The following SMG1 variants were observed in gnomAD, a reference collection of about 807,000 sequenced individuals.
SMG1 encodes the protein serine/threonine-protein kinase SMG1.
Under a neutral mutation model 419.9 loss-of-function variants are expected in SMG1, and 22 were observed. The ratio of observed to expected loss-of-function variants is 0.05; its 90% CI spans 0.04 to 0.07. SMG1 has a LOEUF of 0.07. Among genes scored for constraint, SMG1 ranks in the 10% least tolerant of loss-of-function variants. The probability of loss-of-function intolerance (pLI) is 1.00; values close to 1 mark genes in which losing one functional copy is unlikely to be tolerated. For synonymous variants in SMG1, 1,538 were observed against 1,553.5 expected, an observed-to-expected ratio of 0.99 and a Z score of 0.23; for missense variants, 3,185 against 4,342.0, an observed-to-expected ratio of 0.73 and a Z score of 7.49.
chr16:18,922,133 G>A (rs2038222013), intron 1 of SMG1, among the ~76,000 whole-genome samples: 1 of 152,144 alleles, frequency 6.6e-6, no homozygotes, highest in African/African-American at 2.4e-5. Flanking sequence ...AGTCACTTTA[G>A]AATATTAAAA....
intron 60 of SMG1, 41 bp from the exon 61 acceptor site, chr16:18,812,168 G>A (rs1247651866): frequency 6.3e-7 from 1 of 1,582,856 alleles, no homozygotes; most frequent in South Asian, 1.2e-5. Context: ...CATGTAAACA[G>A]AACATGGAGG....
At chr16:18,860,467 TTTTA>T (rs1180790092) in intron 26 of SMG1, among the ~76,000 whole-genome samples, 196 bp downstream of exon 26, 1 of 151,978 alleles carries the variant, frequency 6.6e-6, no homozygotes, top group African/African-American at 2.4e-5. Flanking sequence ...TGGTCATTTT[TTTTA>T]TTTGACTTAA....
At position 18,827,636 on chromosome 16, in the gene SMG1, A is replaced by C. The variant is rs572127816; in HGVS notation, c.9741+395T>G. Among the ~76,000 whole-genome samples, 63 of 143,534 alleles carry C rather than the reference A, an allele frequency of 4.4e-4. 5 individuals are homozygous for C. In the South Asian group the frequency reaches 9.9e-3, roughly 23 times the overall value. The allele number at this position is 143,534 out of a possible 152,430, so 94.2% of individuals were successfully genotyped here. The stretch of plus-strand genomic sequence containing the variant: ...TACCAAAATATATATTTTTATATAT[A>C]TTTGGTATAAATATACCAAAATATA... On this transcript the variant is annotated intron_variant, in intron 55 of 62. Coordinates refer to ENST00000446231, the MANE Select transcript of SMG1 (RefSeq NM_015092.5).
chr16:18,856,113 C>T lies in SMG1; in HGVS notation c.4235-1209G>A, dbSNP rs991876107. Among the ~76,000 whole-genome samples, 2 of 152,136 alleles carry T rather than the reference C, an allele frequency of 1.3e-5. 1 individual carries two copies. Among genetic ancestry groups the T allele is most frequent in the African/African-American group, 4.8e-5 (2 of 41,426 alleles). ...TCTCAGCTTAAATGTTACTTCCCCA[C>T]AAGTCTTTTTCTGATTCCTAGGATT... On this transcript the variant is annotated intron_variant, in intron 29 of 62. Coordinates refer to ENST00000446231, the MANE Select transcript of SMG1 (RefSeq NM_015092.5).
rs148161499 is a variant in SMG1, at chr16:18,891,842, G to A, written c.549+376C>T. Among the ~76,000 whole-genome samples, 536 of 152,240 alleles carry A rather than the reference G, an allele frequency of 3.5e-3. 21 individuals are homozygous for A. In the East Asian group the frequency reaches 0.081, roughly 23 times the overall value. ...TTAAGAGACAAGGACTCCCTCTGTC[G>A]CCCAGGTTGACATGCAGAGGTGTGA... On this transcript the variant is annotated intron_variant, in intron 4 of 62. Coordinates refer to ENST00000446231, the MANE Select transcript of SMG1 (RefSeq NM_015092.5).
At position 18,834,373 on chromosome 16, in the gene SMG1, C is replaced by T. The variant is rs759512603; in HGVS notation, c.8396G>A (p.Arg2799Gln). Residue 2799 changes from arginine (R) to glutamine (Q), a missense_variant, in exon 50 of 63, where the codon CGG (arginine) becomes CAG (glutamine). Physicochemically the swap from Arg to Gln is conservative, Grantham distance 43. Around this residue, in one of 27 missense-constraint regions of SMG1, gnomAD observed 412 missense variants for 546.6 expected, o/e 0.75. Transcript: ENST00000446231. The stretch of plus-strand genomic sequence containing the variant: ...TTCCTCCAAGAACCAGGCTCCATCC[C>T]GAGAAGTCAGATCAACCAGCTGTTC... ...AGEQLVDLTSRDGAWFLEELC... is the reference protein window; with the variant it reads ...AGEQLVDLTSQDGAWFLEELC... 6.8e-6 allele frequency: 11 copies of T among 1,613,720 alleles called. No homozygotes were observed. The highest frequency in any genetic ancestry group is 1.3e-5 in the African/African-American group (1 of 74,902).
chr16:18,905,336 G>A lies in SMG1; in HGVS notation c.93-8380C>T, dbSNP rs974410674. ...ATCAATCTAATAGCCTGGACTCTTC[G>A]CAGACAAACCTGTTGAAAAATTTAT... On this transcript the variant is annotated intron_variant, in intron 1 of 62. Transcript: ENST00000446231. Among the ~76,000 whole-genome samples, 14 of 152,118 alleles carry A rather than the reference G, an allele frequency of 9.2e-5. No individual in the cohort carries two copies. In the East Asian group the frequency reaches 1.9e-3, roughly 21 times the overall value.
At chr16:18,907,839 G>A (rs555494701) in intron 1 of SMG1, among the ~76,000 whole-genome samples, 260 of 82,436 alleles carry the variant, frequency 3.2e-3, no homozygotes, top group Non-Finnish European at 4.6e-3. Flanking sequence ...GCGACAGAAC[G>A]AGACTCAAAA....
chr16:18,852,575 AAAGTTCC>A, intron 31 of SMG1, 113 bp from the exon 32 acceptor site: 2 of 885,386 alleles, frequency 2.3e-6, no homozygotes, highest in Non-Finnish European at 3.2e-6. Context: ...CAAGCAATCA[AAAGTTCC>A]AAAATATTAC....
intron 8 of SMG1, 147 bp from the exon 9 acceptor site, chr16:18,884,314 G>C (rs564426377): frequency 1.3e-5 from 6 of 471,910 alleles, no homozygotes. Context: ...ATAAAATTAA[G>C]ACTGTTAAAC....
Position 18,815,607 on chromosome 16 carries a change from C to G in SMG1, c.10347G>C (p.Glu3449Asp), listed in dbSNP as rs755062074. The G allele has an allele frequency of 6.8e-6, 11 of 1,613,848 alleles. No individual in the cohort carries two copies. Among genetic ancestry groups the G allele is most frequent in the Admixed American group, 1.7e-5 (1 of 60,002 alleles). The part of the protein sequence containing the change: ...ALADGEDVPY[E>D]NSVRQFLGEY... ...CACCCAAAAACTGCCTAACACTGTT[C>G]TCATAGGGAACATCTTCACCATCTG... Residue 3449 changes from glutamate to aspartate, a missense_variant, in exon 59 of 63, where the codon GAG becomes GAC. By Grantham distance (45) the Glu-to-Asp change is conservative. Coordinates refer to ENST00000446231, the MANE Select transcript of SMG1 (RefSeq NM_015092.5).
chr16:18,916,075 AAAAAAAAAAAAAAACCAG>A (rs1356683161), intron 1 of SMG1, among the ~76,000 whole-genome samples: 3 of 122,130 alleles, frequency 2.5e-5, no homozygotes, highest in Non-Finnish European at 5.0e-5. Flanking sequence ...GTCTCAAAAA[AAAAAAAAAAAAAAACCAG>A]AAAAAAAAAA....
chr16:18,872,606 T>C lies in SMG1; in HGVS notation c.1909A>G (p.Thr637Ala), dbSNP rs1242288470. 30 of 1,466,282 alleles carry C rather than the reference T, an allele frequency of 2.0e-5. No individual in the cohort carries two copies. In the Admixed American group the frequency reaches 5.7e-4, roughly 28 times the overall value. The allele number at this position is 1,466,282 out of a possible 1,614,324, so 90.8% of individuals were successfully genotyped here. Residue 637 changes from threonine to alanine, a missense_variant, in exon 14 of 63, where the codon ACT becomes GCT. Around this residue, in one of 27 missense-constraint regions of SMG1, gnomAD observed 297 missense variants for 491.0 expected, o/e 0.60. Coordinates refer to ENST00000446231, the MANE Select transcript of SMG1 (RefSeq NM_015092.5). ...TTCTTACTCAGAAGTGCAAAGACAG[T>C]TGGAGATAGCGCCCACATCTGATCA... is the stretch of plus-strand genomic sequence containing the variant. ...SLIGMWALSP[T>A]VFALLSKNLM... is the part of the protein sequence containing the mutation.
At position 18,915,772 on chromosome 16, in the gene SMG1, T is replaced by C. The variant is rs548286379; in HGVS notation, c.92+10178A>G. ...TATAGATTTGTCAAAATTTACTGAATTTAAGACCTATACAGGCCAGGCGTG... is the reference window on the plus strand; with the variant it reads ...TATAGATTTGTCAAAATTTACTGAACTTAAGACCTATACAGGCCAGGCGTG... On this transcript the variant is annotated intron_variant, in intron 1 of 62. Coordinates refer to ENST00000446231, the MANE Select transcript of SMG1 (RefSeq NM_015092.5). Among the ~76,000 whole-genome samples, 7 of 152,158 alleles carry C rather than the reference T, an allele frequency of 4.6e-5. 1 individual carries two copies. The South Asian group carries it at 1.5e-3, about 32-fold the overall frequency.
At chr16:18,821,221 C>CTATTTTTTTT (rs2032508189) in intron 55 of SMG1, among the ~76,000 whole-genome samples, 1 of 35,600 alleles carries the variant, frequency 2.8e-5, no homozygotes, top group African/African-American at 1.2e-4. Flanking sequence ...TAGTATGTTT[C>CTATTTTTTTT]TTTTTTTTTT....
At chr16:18,838,951 T>C (rs1319834169) in intron 42 of SMG1, among the ~76,000 whole-genome samples, 1 of 152,202 alleles carries the variant, frequency 6.6e-6, no homozygotes, top group Admixed American at 6.5e-5. Context: ...TTCTTCAGTC[T>C]TCCTAGTTTG....
chr16:18,854,580 A>G (rs979071474), intron 30 of SMG1, 76 bp downstream of exon 30: 2 of 1,360,860 alleles, frequency 1.5e-6, no homozygotes, highest in African/African-American at 2.9e-5. Context: ...ACTACCTTAT[A>G]CCATACATAC....
chr16:18,818,404 T>G (rs2032213859), intron 56 of SMG1, among the ~76,000 whole-genome samples: 1 of 151,092 alleles, frequency 6.6e-6, no homozygotes, highest in Non-Finnish European at 1.5e-5. Flanking sequence ...CAAAAAAAAT[T>G]TTTTTTTTGG....
At chr16:18,884,860 A>C (rs2036551611) in intron 8 of SMG1, 3 of 525,128 alleles carry the variant, frequency 5.7e-6, no homozygotes, top group Non-Finnish European at 1.0e-5. Flanking sequence ...CTACCAGTAC[A>C]AACTACAAAT....
Sources: allele counts gnomAD v4.1 joint callset (sites outside exome capture counted in the v4.1 genomes callset), GRCh38; gene constraint gnomAD v4.1.1; regional missense constraint gnomAD v4.1.1; transcripts MANE v1.5; gene names NCBI Gene and HGNC (gene_info 2026-07-23, HGNC 2026-07-21).